PRKG1: variants seen among roughly 807,000 people sequenced by gnomAD.
PRKG1 encodes protein kinase cGMP-dependent 1.
A neutral mutation model predicts 88.1 loss-of-function variants in PRKG1; 35 were observed. The ratio of observed to expected loss-of-function variants is 0.40; its 90% CI spans 0.30 to 0.53. The LOEUF (loss-of-function observed/expected upper bound fraction) is 0.53. Among genes scored for constraint, PRKG1 ranks in the 20% least tolerant of loss-of-function variants. The probability of loss-of-function intolerance (pLI) is 0.59; values close to 1 mark genes in which losing one functional copy is unlikely to be tolerated. For synonymous variants in PRKG1, 303 were observed against 292.5 expected, an observed-to-expected ratio of 1.04 and a Z score of -0.37; for missense variants, 540 against 839.8, an observed-to-expected ratio of 0.64 and a Z score of 4.41.
Position 51,153,174 on chromosome 10 carries a change from C to T in PRKG1, c.322C>T (p.Leu108Phe), listed in dbSNP as rs1308723236. The T allele has an allele frequency of 3.7e-6, 6 of 1,611,192 alleles. No individual in the cohort carries two copies. The highest frequency in any genetic ancestry group is 5.1e-6 in the Non-Finnish European group (6 of 1,178,312). The change falls in exon 2 of 18, where the codon CTT becomes TTT. Residue 108 changes from leucine to phenylalanine, a missense_variant. By Grantham distance (22) the Leu-to-Phe change is conservative. Around this residue, in one of 5 missense-constraint regions of PRKG1, gnomAD observed 400 missense variants for 562.7 expected, o/e 0.71. Coordinates refer to ENST00000373980, the MANE Select transcript of PRKG1 (RefSeq NM_006258.4). The part of the protein sequence containing the change: ...FYPKSPQSKD[L>F]IKEAILDNDF... ...CCTCTCTTGCCATAGGTCCAAGGAT[C>T]TTATAAAGGAAGCTATCCTTGACAA...
intron 3 of PRKG1, among the ~76,000 whole-genome samples, chr10:51,623,051 G>A (rs1839248060): frequency 6.6e-6 from 1 of 152,100 alleles, no homozygotes; most frequent in African/African-American, 2.4e-5. Flanking sequence ...CATTTTTATT[G>A]CCTGTTTTAC....
Position 51,553,722 on chromosome 10 carries a change from A to G in PRKG1, c.592+85886A>G, listed in dbSNP as rs147141755. On this transcript the variant is annotated intron_variant, in intron 3 of 17. Transcript: ENST00000373980. ...ATATACGTGTATATAATATATGTAT[A>G]TATTAGATACGTGTATATAATATAT... is the stretch of plus-strand genomic sequence containing the variant. Among the ~76,000 whole-genome samples the G allele has an allele frequency of 7.1e-3, 980 of 137,340 alleles. 7 individuals are homozygous for G. The highest frequency in any genetic ancestry group is 0.012 in the Non-Finnish European group (701 of 60,136). 90.1% of individuals were successfully genotyped at this position (137,340 alleles called of 152,430 possible).
intron 3 of PRKG1, among the ~76,000 whole-genome samples, chr10:51,795,190 G>C (rs1337740093): frequency 4.6e-5 from 7 of 152,122 alleles, no homozygotes; most frequent in African/African-American, 1.7e-4. Flanking sequence ...TTTCTACAAG[G>C]TATGACGTCA....
chr10:51,074,653 G>A lies in PRKG1; in HGVS notation c.63G>A (p.Arg21=), dbSNP rs143805509. Residue 21 remains arginine (R), a synonymous_variant, in exon 1 of 18, where the codon CGG becomes CGA. Coordinates refer to ENST00000373980, the MANE Select transcript of PRKG1 (RefSeq NM_006258.4). The part of the protein sequence containing the change: ...LQEKIEELRQ[R]DALIDELELE... ...AGAAGATCGAGGAGCTGAGGCAGCG[G>A]GATGCTCTCATCGACGAGCTGGAGC... is the stretch of plus-strand genomic sequence containing the variant. 118 of 1,613,994 alleles carry A rather than the reference G, an allele frequency of 7.3e-5. No individual in the cohort carries two copies. The highest frequency in any genetic ancestry group is 2.9e-5 in the Non-Finnish European group (34 of 1,180,000).
intron 2 of PRKG1, among the ~76,000 whole-genome samples, chr10:51,390,157 G>A (rs1372517100): frequency 3.3e-5 from 5 of 152,220 alleles, no homozygotes; most frequent in African/African-American, 1.2e-4. Flanking sequence ...GCAGAATCAT[G>A]TGGAACACAT....
chr10:51,357,715 GA>G (rs889760944), intron 2 of PRKG1, among the ~76,000 whole-genome samples: 4 of 151,736 alleles, frequency 2.6e-5, no homozygotes, highest in Admixed American at 1.3e-4. Context: ...ACTTTAATGA[GA>G]AAAAAAATTT....
chr10:51,871,725 C>T (rs190349433), intron 4 of PRKG1, among the ~76,000 whole-genome samples: 3 of 152,340 alleles, frequency 2.0e-5, no homozygotes, highest in African/African-American at 7.2e-5. Context: ...CCTGACTTGA[C>T]TTCCCCCAAC....
At chr10:51,594,639 A>G (rs1343156103) in intron 3 of PRKG1, among the ~76,000 whole-genome samples, 1 of 152,206 alleles carries the variant, frequency 6.6e-6, no homozygotes, top group Non-Finnish European at 1.5e-5. Context: ...AAATTTCACT[A>G]AATAAACTCT....
chr10:52,091,876 A>C (rs1847064739), intron 7 of PRKG1, among the ~76,000 whole-genome samples: 1 of 152,226 alleles, frequency 6.6e-6, no homozygotes, highest in Non-Finnish European at 1.5e-5. Context: ...CTGGTGCAGC[A>C]ATCCCAAATG....
chr10:51,514,887 G>A (rs1400156333), intron 3 of PRKG1, among the ~76,000 whole-genome samples: 6 of 152,054 alleles, frequency 3.9e-5, no homozygotes, highest in South Asian at 2.1e-4. Flanking sequence ...TGAGTTTCTC[G>A]GCCTCAGCAC....
At chr10:51,174,658 G>A (rs1346528330) in intron 2 of PRKG1, among the ~76,000 whole-genome samples, 1 of 151,924 alleles carries the variant, frequency 6.6e-6, no homozygotes, top group Non-Finnish European at 1.5e-5. Flanking sequence ...AGTCCGTTGT[G>A]GTGCACCCCT....
intron 1 of PRKG1, among the ~76,000 whole-genome samples, chr10:51,148,996 C>G (rs1846002298): frequency 6.6e-6 from 1 of 152,088 alleles, no homozygotes; most frequent in Non-Finnish European, 1.5e-5. Flanking sequence ...CCTCAGTGAT[C>G]TTATTCTCCC....
rs2132804640 is a variant in PRKG1, at chr10:51,074,801, G to A, written c.211G>A (p.Glu71Lys). 1 of 1,613,858 alleles carries A rather than the reference G, an allele frequency of 6.2e-7. No homozygotes were observed. The highest frequency in any genetic ancestry group is 8.5e-7 in the Non-Finnish European group (1 of 1,179,910). Residue 71 changes from glutamate to lysine, a missense_variant, in exon 1 of 18, where the codon GAG (glutamate) becomes AAG (lysine). Physicochemically the swap from Glu to Lys is moderately conservative, Grantham distance 56 (BLOSUM62 1). Transcript: ENST00000373980. ...QKQSASTLQG[E>K]PRTKRQAISA... is the part of the protein sequence containing the mutation. ...GCAGAGCGCGAGCACCTTGCAGGGC[G>A]AGCCGCGCACCAAGCGGCAGGCGAT...
At chr10:51,170,343 T>C (rs2132006184) in intron 2 of PRKG1, among the ~76,000 whole-genome samples, 1 of 152,126 alleles carries the variant, frequency 6.6e-6, no homozygotes, top group South Asian at 2.1e-4. Context: ...TTCAGGCTTG[T>C]GGTCATTTCT....
rs572443518 is a variant in PRKG1, at chr10:51,661,850, C to G, written c.593-142735C>G. Reference sequence around the variant, plus strand: ...AACCCAAATGTCCATCAATGACAGACTGGATTAAGAAAATGTGGCACATAT... The same window carrying G: ...AACCCAAATGTCCATCAATGACAGAGTGGATTAAGAAAATGTGGCACATAT... On this transcript the variant is annotated intron_variant, in intron 3 of 17. Transcript: ENST00000373980. Among the ~76,000 whole-genome samples, 390 of 152,236 alleles carry G rather than the reference C, an allele frequency of 2.6e-3. 2 individuals carry two copies. Among genetic ancestry groups the G allele is most frequent in the Non-Finnish European group, 4.1e-3 (279 of 68,000 alleles).
At chr10:52,007,006 A>C (rs1469980331) in intron 5 of PRKG1, among the ~76,000 whole-genome samples, 2 of 152,178 alleles carry the variant, frequency 1.3e-5, no homozygotes, top group Admixed American at 6.5e-5. Context: ...CCAACCGGGA[A>C]TTCCATGTCC....
At chr10:51,226,214 C>T (rs921484051) in intron 2 of PRKG1, among the ~76,000 whole-genome samples, 3 of 152,094 alleles carry the variant, frequency 2.0e-5, no homozygotes, top group Non-Finnish European at 4.4e-5. Context: ...CAAAAACAAA[C>T]GAACAAACAG....
intron 3 of PRKG1, among the ~76,000 whole-genome samples, chr10:51,554,200 G>GTATGTGATATGTGTATATATTATA (rs1564547566): frequency 7.0e-6 from 1 of 143,680 alleles, no homozygotes; most frequent in African/African-American, 2.6e-5. Context: ...ATATATGTGC[G>GTATGTGATATGTGTATATATTATA]TATGTGATAT....
intron 9 of PRKG1, among the ~76,000 whole-genome samples, chr10:52,188,565 G>GAAACCAT (rs1433690898): frequency 6.6e-6 from 1 of 151,580 alleles, no homozygotes; most frequent in Non-Finnish European, 1.5e-5. Flanking sequence ...AAAAAGTTTG[G>GAAACCAT]AAACCATAAT....
Sources: gnomAD v4.1 joint callset for allele counts (sites outside exome capture counted in the v4.1 genomes callset) on GRCh38, gnomAD v4.1.1 for gene constraint, gnomAD v4.1.1 regional missense constraint, MANE v1.5 for transcripts, NCBI Gene and HGNC (gene_info 2026-07-23, HGNC 2026-07-21) for gene names.